Variants in COL21A1 observed in about 807,000 individuals in gnomAD.
COL21A1 encodes the protein collagen type XXI alpha 1 chain.
COL21A1 carries 149 observed loss-of-function variants against 137.9 expected under a neutral mutation model. The ratio of observed to expected loss-of-function variants is 1.08; its 90% confidence interval spans 0.95 to 1.24. COL21A1 has a LOEUF of 1.24. Ranked by LOEUF, COL21A1 falls within the 50% of genes most tolerant of loss-of-function variation. The pLI, the probability that COL21A1 is intolerant of heterozygous loss-of-function variation, is 0.00. For missense variants in COL21A1, 1,167 were observed against 1,158.4 expected (o/e 1.01, Z -0.11); for synonymous variants, 456 against 391.5 (o/e 1.16, Z -1.95).
intron 1 of COL21A1, among the ~76,000 whole-genome samples, chr6:56,199,751 A>G (rs1779252420): frequency 6.6e-6 from 1 of 152,194 alleles, no homozygotes; most frequent in Non-Finnish European, 1.5e-5. Context: ...CTCAAAAACC[A>G]AGTTTGCTGA....
intron 27 of COL21A1, chr6:56,060,538 T>C: frequency 4.1e-6 from 2 of 493,284 alleles, no homozygotes; most frequent in Non-Finnish European, 7.0e-6. Flanking sequence ...GGCAAAATAA[T>C]AAATGTCTTT....
intron 17 of COL21A1, among the ~76,000 whole-genome samples, chr6:56,082,535 T>G (rs1216984433): frequency 2.0e-5 from 3 of 151,950 alleles, no homozygotes; most frequent in Non-Finnish European, 4.4e-5. Context: ...AATTTCTCAT[T>G]AAGAAGAAAA....
At chr6:56,064,098 AC>A (rs1357492086) in intron 24 of COL21A1, among the ~76,000 whole-genome samples, 10 of 152,210 alleles carry the variant, frequency 6.6e-5, no homozygotes, top group South Asian at 2.1e-4. Flanking sequence ...GTTCTACAAC[AC>A]TGTCTCTCAG....
At chr6:56,082,829 TATCTA>T (rs1443913110) in intron 17 of COL21A1, among the ~76,000 whole-genome samples, 1 of 151,912 alleles carries the variant, frequency 6.6e-6, no homozygotes, top group East Asian at 1.9e-4. Flanking sequence ...TTTAAAATTG[TATCTA>T]ATCTAATATC....
At chr6:56,062,052 A>G (rs1765844399) in intron 24 of COL21A1, among the ~76,000 whole-genome samples, 1 of 152,116 alleles carries the variant, frequency 6.6e-6, no homozygotes, top group Non-Finnish European at 1.5e-5. Context: ...TCTTGTATTC[A>G]GTGATTAAGA....
intron 1 of COL21A1, among the ~76,000 whole-genome samples, chr6:56,373,796 C>T (rs1250411080): frequency 1.3e-5 from 2 of 152,162 alleles, no homozygotes; most frequent in Non-Finnish European, 2.9e-5. Flanking sequence ...GAATATAATA[C>T]ATTATTATTA....
At chr6:56,133,105 C>T (rs62413462) in intron 12 of COL21A1, among the ~76,000 whole-genome samples, 22,861 of 152,090 alleles carry the variant, frequency 0.15, 1,756 homozygotes, top group Middle Eastern at 0.22. Flanking sequence ...ACTGGGTAAC[C>T]GGCAGAGGTT....
At chr6:56,364,742 A>C (rs6938006) in intron 1 of COL21A1, among the ~76,000 whole-genome samples, 4,001 of 150,546 alleles carry the variant, frequency 0.027, 172 homozygotes, top group African/African-American at 0.093. Flanking sequence ...GCTAGATGTT[A>C]TCTCTCTCTG....
At chr6:56,291,396 G>C (rs1764038324) in intron 1 of COL21A1, among the ~76,000 whole-genome samples, 1 of 152,208 alleles carries the variant, frequency 6.6e-6, no homozygotes, top group Admixed American at 6.5e-5. Context: ...CCACAGAAAG[G>C]AACCGCTGCT....
chr6:56,159,424 G>A (rs1292519114), intron 9 of COL21A1, among the ~76,000 whole-genome samples: 1 of 144,832 alleles, frequency 6.9e-6, no homozygotes, highest in African/African-American at 2.6e-5. Flanking sequence ...CCTCCACCCC[G>A]CAGGTTCAAG....
intron 10 of COL21A1, among the ~76,000 whole-genome samples, chr6:56,146,701 T>A (rs565086917): frequency 9.9e-5 from 15 of 152,078 alleles, no homozygotes; most frequent in Admixed American, 9.8e-4. Context: ...AGATATACCA[T>A]ATCCACAAAG....
intron 16 of COL21A1, among the ~76,000 whole-genome samples, chr6:56,102,254 A>G (rs1210080789): frequency 1.3e-5 from 2 of 152,202 alleles, no homozygotes; most frequent in East Asian, 3.8e-4. Context: ...TAATATCTGC[A>G]GATTAGTACA....
intron 1 of COL21A1, among the ~76,000 whole-genome samples, chr6:56,211,187 GTATATATGTATATATACATA>G (rs1338009679): frequency 2.2e-3 from 37 of 17,096 alleles, no homozygotes; most frequent in South Asian, 0.013. Flanking sequence ...ACATATATAT[GTATATATGTATATATACATA>G]TATATGTATA....
intron 1 of COL21A1, among the ~76,000 whole-genome samples, chr6:56,244,752 C>T (rs776615093): frequency 2.2e-4 from 33 of 152,096 alleles, no homozygotes; most frequent in African/African-American, 6.8e-4. Context: ...AAAAGGCATT[C>T]TCAGTAATAC....
chr6:56,180,468 G>T (rs762277466), intron 2 of COL21A1, among the ~76,000 whole-genome samples: 6 of 152,280 alleles, frequency 3.9e-5, no homozygotes, highest in Non-Finnish European at 7.4e-5. Context: ...CTAAAGGTCT[G>T]ATGTCTCATA....
At chr6:56,148,368 G>GAGAGAGAGAA (rs1208798741) in intron 10 of COL21A1, among the ~76,000 whole-genome samples, 127 of 150,224 alleles carry the variant, frequency 8.5e-4, no homozygotes, top group African/African-American at 3.1e-3. Flanking sequence ...GAGAGAGAGA[G>GAGAGAGAGAA]AAACACATAA....
intron 2 of COL21A1, among the ~76,000 whole-genome samples, chr6:56,181,324 T>C (rs1777872023): frequency 6.6e-6 from 1 of 152,152 alleles, no homozygotes; most frequent in Admixed American, 6.5e-5. Context: ...ATGCAATTTT[T>C]CTGTTATTTT....
chr6:56,112,438 T>G (rs2152189736), intron 16 of COL21A1, among the ~76,000 whole-genome samples: 1 of 152,208 alleles, frequency 6.6e-6, no homozygotes, highest in South Asian at 2.1e-4. Context: ...GTACCTGGTT[T>G]TAACTCCATA....
At chr6:56,119,955 C>T (rs1036083022) in intron 16 of COL21A1, among the ~76,000 whole-genome samples, 2 of 152,080 alleles carry the variant, frequency 1.3e-5, no homozygotes, top group East Asian at 3.9e-4. Flanking sequence ...TATGAAACTA[C>T]TACAGAAAAA....
Sources: gnomAD v4.1 joint callset for allele counts (sites outside exome capture counted in the v4.1 genomes callset) on GRCh38, gnomAD v4.1.1 for gene constraint, MANE v1.5 for transcripts, NCBI Gene and HGNC (gene_info 2026-07-23, HGNC 2026-07-21) for gene names.